The following UBE2E2 variants were observed in gnomAD, a reference collection of about 807,000 sequenced individuals.
UBE2E2 encodes ubiquitin conjugating enzyme E2 E2, also known as ubiquitin-conjugating enzyme E2 E2.
Under a neutral mutation model 24.7 loss-of-function variants are expected in UBE2E2, and 6 were observed. The ratio of observed to expected loss-of-function variants is 0.24; its 90% confidence interval spans 0.13 to 0.48. UBE2E2 has a LOEUF of 0.48. Among genes scored for constraint, UBE2E2 ranks in the 20% least tolerant of loss-of-function variants. The probability of loss-of-function intolerance (pLI) is 0.99; values close to 1 mark genes in which losing one functional copy is unlikely to be tolerated. For missense variants in UBE2E2, 169 were observed against 245.0 expected (o/e 0.69, Z 2.07); for synonymous variants, 104 against 83.6 (o/e 1.24, Z -1.33).
At chr3:23,567,339 T>G (rs1393072153) in intron 5 of UBE2E2, among the ~76,000 whole-genome samples, 1 of 152,136 alleles carries the variant, frequency 6.6e-6, no homozygotes, top group East Asian at 1.9e-4. Flanking sequence ...TTTCGTCAGG[T>G]GGTAGAACAT....
At chr3:23,303,232 A>G (rs1279429944) in intron 3 of UBE2E2, among the ~76,000 whole-genome samples, 1 of 152,064 alleles carries the variant, frequency 6.6e-6, no homozygotes, top group African/African-American at 2.4e-5. Context: ...TTGCAGGAAG[A>G]CGAACTCAGG....
At chr3:23,530,614 TTTCTC>T (rs1418668372) in intron 4 of UBE2E2, among the ~76,000 whole-genome samples, 7 of 152,316 alleles carry the variant, frequency 4.6e-5, no homozygotes, top group East Asian at 3.9e-4. Flanking sequence ...AGGAAAAACA[TTTCTC>T]TTCTCATTCT....
chr3:23,364,878 T>C (rs1696214959), intron 3 of UBE2E2, among the ~76,000 whole-genome samples: 1 of 152,048 alleles, frequency 6.6e-6, no homozygotes, highest in African/African-American at 2.4e-5. Context: ...CCCAACAAAA[T>C]ACTAGCAAGC....
intron 5 of UBE2E2, among the ~76,000 whole-genome samples, chr3:23,579,016 A>G (rs1427237590): frequency 2.6e-5 from 4 of 152,192 alleles, no homozygotes; most frequent in Non-Finnish European, 4.4e-5. Flanking sequence ...GAAGAGTTGA[A>G]TGTTGTTTTC....
At chr3:23,383,578 G>A (rs1013928349) in intron 3 of UBE2E2, among the ~76,000 whole-genome samples, 4 of 151,848 alleles carry the variant, frequency 2.6e-5, no homozygotes, top group African/African-American at 9.7e-5. Context: ...ATTGGCATCT[G>A]TCGGCCACTC....
chr3:23,456,583 G>T (rs918511192), intron 3 of UBE2E2, among the ~76,000 whole-genome samples: 1 of 152,188 alleles, frequency 6.6e-6, no homozygotes, highest in Admixed American at 6.5e-5. Flanking sequence ...GAGCTCTTCG[G>T]TGACCAGGTG....
chr3:23,233,685 C>T (rs747798565), intron 3 of UBE2E2, among the ~76,000 whole-genome samples: 12 of 152,118 alleles, frequency 7.9e-5, no homozygotes, highest in Non-Finnish European at 1.0e-4. Context: ...TAAGTTTTGC[C>T]TAAAAGGTAA....
intron 4 of UBE2E2, among the ~76,000 whole-genome samples, chr3:23,502,323 CA>C (rs1451204856): frequency 6.6e-6 from 1 of 151,236 alleles, no homozygotes; most frequent in African/African-American, 2.4e-5. Context: ...CAGTGGGTGT[CA>C]GGGGGAATTA....
At chr3:23,317,522 T>A (rs1448098858) in intron 3 of UBE2E2, among the ~76,000 whole-genome samples, 2 of 152,202 alleles carry the variant, frequency 1.3e-5, no homozygotes, top group Non-Finnish European at 2.9e-5. Context: ...GACCGGGTGA[T>A]TTATACAGGA....
chr3:23,225,846 C>T (rs1037908514), intron 3 of UBE2E2, among the ~76,000 whole-genome samples: 2 of 151,796 alleles, frequency 1.3e-5, no homozygotes, highest in African/African-American at 2.4e-5. Flanking sequence ...TTTTACTACT[C>T]ATGGGAGCCA....
chr3:23,224,685 G>C (rs923541898), intron 3 of UBE2E2, among the ~76,000 whole-genome samples: 3 of 151,566 alleles, frequency 2.0e-5, no homozygotes, highest in African/African-American at 7.3e-5. Context: ...GTTCCTACTT[G>C]TTACCAAATA....
chr3:23,503,393 G>T (rs1437309635), intron 4 of UBE2E2, among the ~76,000 whole-genome samples: 3 of 151,712 alleles, frequency 2.0e-5, no homozygotes, highest in African/African-American at 4.8e-5. Flanking sequence ...GTTTCGCCAT[G>T]TTGGCCAGGC....
chr3:23,251,171 T>C (rs576106730), intron 3 of UBE2E2, among the ~76,000 whole-genome samples: 93 of 152,314 alleles, frequency 6.1e-4, no homozygotes, highest in African/African-American at 2.2e-3. Context: ...TCATCGTGTG[T>C]GTATCAGCTT....
chr3:23,561,143 C>T (rs1695918755), intron 5 of UBE2E2, among the ~76,000 whole-genome samples: 1 of 151,988 alleles, frequency 6.6e-6, no homozygotes, highest in African/African-American at 2.4e-5. Flanking sequence ...AGTCCTTGAC[C>T]CCCATCCCTA....
intron 3 of UBE2E2, among the ~76,000 whole-genome samples, chr3:23,323,266 A>G (rs1441445515): frequency 1.3e-5 from 2 of 152,076 alleles, no homozygotes. Context: ...AATTGCCTAC[A>G]TTTTATAACT....
intron 3 of UBE2E2, among the ~76,000 whole-genome samples, chr3:23,475,280 T>G (rs530793949): frequency 1.3e-5 from 2 of 152,216 alleles, no homozygotes; most frequent in South Asian, 4.1e-4. Flanking sequence ...CCAACAGTTG[T>G]GAGCACTGTT....
intron 3 of UBE2E2, among the ~76,000 whole-genome samples, chr3:23,342,339 C>G (rs1211949140): frequency 6.6e-6 from 1 of 152,098 alleles, no homozygotes; most frequent in Non-Finnish European, 1.5e-5. Flanking sequence ...CACACAGTAC[C>G]ATCCATCAAA....
intron 2 of UBE2E2, among the ~76,000 whole-genome samples, chr3:23,214,394 T>C (rs897808758): frequency 3.3e-5 from 5 of 151,842 alleles, no homozygotes; most frequent in Non-Finnish European, 7.4e-5. Context: ...ACTGGGACTA[T>C]AAGCACACAC....
chr3:23,458,086 C>T (rs1698719879), intron 3 of UBE2E2, among the ~76,000 whole-genome samples: 2 of 152,104 alleles, frequency 1.3e-5, no homozygotes, highest in Admixed American at 1.3e-4. Flanking sequence ...TAGTTTTCTG[C>T]TTGTCTGGGC....
Sources: allele counts gnomAD v4.1 joint callset (sites outside exome capture counted in the v4.1 genomes callset), GRCh38; gene constraint gnomAD v4.1.1; transcripts MANE v1.5; gene names NCBI Gene and HGNC (gene_info 2026-07-23, HGNC 2026-07-21).